Variants in ADGRG6 observed in about 807,000 individuals in gnomAD.
ADGRG6 encodes the protein adhesion G protein-coupled receptor G6, also known as G-protein coupled receptor 126.
ADGRG6 carries 84 observed loss-of-function variants against 142.4 expected under a neutral mutation model. That is an observed-to-expected ratio of 0.59 (90% CI 0.49 to 0.71). ADGRG6 has a LOEUF of 0.71. Ranked by LOEUF, ADGRG6 falls within the 30% of genes least tolerant of loss-of-function variation. The pLI is 0.00. For synonymous variants in ADGRG6, 521 were observed against 520.5 expected (o/e 1.00, Z -0.01); for missense variants, 1,367 against 1,466.6 (o/e 0.93, Z 1.11).
chr6:142,347,076 A>G, intron 2 of ADGRG6, among the ~76,000 whole-genome samples: 1 of 152,316 alleles, frequency 6.6e-6, no homozygotes, highest in South Asian at 2.1e-4. Context: ...CTAAATTAAT[A>G]TAACATATTT....
Position 142,380,720 on chromosome 6 carries a change from G to A in ADGRG6, c.1070-1231G>A, listed in dbSNP as rs186796671. On this transcript the variant is annotated intron_variant, in intron 4 of 24. Transcript: ENST00000367609. ...CTTCTTTGAAATGGATTTTCTGTTC[G>A]CTTTTCTTACCAAGCTGCTGTCACA... 3.9e-5 allele frequency among the ~76,000 whole-genome samples: 6 copies of A among 152,140 alleles called. No homozygotes were observed. In the South Asian group the frequency reaches 6.2e-4, roughly 16 times the overall value.
chr6:142,404,149 G>T, intron 14 of ADGRG6, 176 bp downstream of exon 14: 1 of 591,544 alleles, frequency 1.7e-6, no homozygotes, highest in Admixed American at 3.3e-5. Flanking sequence ...CTCAGAGTGG[G>T]TATGCTTTCA....
intron 2 of ADGRG6, among the ~76,000 whole-genome samples, chr6:142,316,801 T>A (rs1457907728): frequency 6.6e-6 from 1 of 150,910 alleles, no homozygotes; most frequent in Non-Finnish European, 1.5e-5. Context: ...TACCTTAGTG[T>A]TTTTTTTTAA....
chr6:142,412,837 G>T (rs1452558018), intron 18 of ADGRG6, among the ~76,000 whole-genome samples: 2 of 152,032 alleles, frequency 1.3e-5, no homozygotes, highest in Admixed American at 1.3e-4. Context: ...TCAACTATGT[G>T]CATGTTGTAA....
intron 2 of ADGRG6, among the ~76,000 whole-genome samples, chr6:142,311,758 G>A (rs1777780275): frequency 6.6e-6 from 1 of 151,772 alleles, no homozygotes; most frequent in East Asian, 1.9e-4. Context: ...GTCCATCCTG[G>A]CTCCTAGAGC....
chr6:142,418,932 A>G (rs1776514831), intron 21 of ADGRG6, among the ~76,000 whole-genome samples: 1 of 152,130 alleles, frequency 6.6e-6, no homozygotes, highest in Non-Finnish European at 1.5e-5. Flanking sequence ...TACAGTTTTA[A>G]AATTTCTTTA....
chr6:142,411,265 G>T, intron 17 of ADGRG6, 40 bp from the exon 18 acceptor site: 2 of 1,076,794 alleles, frequency 1.9e-6, no homozygotes, highest in South Asian at 2.5e-5. Context: ...AGAAGAAACT[G>T]ACCTGCTGTT....
In ADGRG6 at chr6:142,312,683, G is replaced by T. The variant is rs566405375; in HGVS notation, c.103+3039G>T. ...AAAAATCAAGAATGTGTACATTGGT[G>T]TATCACTCTCACATGTAGGCATATA... On this transcript the variant is annotated intron_variant, in intron 2 of 24. Transcript: ENST00000367609. Among the ~76,000 whole-genome samples, 15 of 152,152 alleles carry T rather than the reference G, an allele frequency of 9.9e-5. No homozygotes were observed. The South Asian group carries it at 2.5e-3, about 25-fold the overall frequency.
chr6:142,371,199 G>T (rs1421013433), intron 4 of ADGRG6, among the ~76,000 whole-genome samples: 1 of 152,072 alleles, frequency 6.6e-6, no homozygotes, highest in African/African-American at 2.4e-5. Context: ...GTCTCACTGT[G>T]TTGCCCAGGC....
chr6:142,421,173 C>A (rs1289667019), intron 22 of ADGRG6, among the ~76,000 whole-genome samples: 2 of 152,138 alleles, frequency 1.3e-5, no homozygotes, highest in Non-Finnish European at 2.9e-5. Flanking sequence ...TGCTCTTCCA[C>A]TAGCTTGTGA....
At chr6:142,366,440 A>G (rs1480383826) in intron 2 of ADGRG6, among the ~76,000 whole-genome samples, 2 of 152,128 alleles carry the variant, frequency 1.3e-5, no homozygotes, top group African/African-American at 2.4e-5. Context: ...CCTTCACATC[A>G]TTCAGTTGGA....
intron 21 of ADGRG6, among the ~76,000 whole-genome samples, chr6:142,417,865 G>A (rs9496375): frequency 0.018 from 2,799 of 152,180 alleles, 89 homozygotes; most frequent in African/African-American, 0.063. Context: ...GGCAGTTACC[G>A]ATCTCCTATT....
chr6:142,311,784 T>C (rs969493512), intron 2 of ADGRG6, among the ~76,000 whole-genome samples: 4 of 152,010 alleles, frequency 2.6e-5, no homozygotes, highest in African/African-American at 9.7e-5. Context: ...CTTGAGTTGC[T>C]GATCCTCATC....
intron 14 of ADGRG6, among the ~76,000 whole-genome samples, chr6:142,404,890 C>G (rs1263225055): frequency 6.6e-6 from 1 of 152,118 alleles, no homozygotes; most frequent in Non-Finnish European, 1.5e-5. Context: ...TAATGGAGAA[C>G]CTTTTCAACA....
intron 9 of ADGRG6, among the ~76,000 whole-genome samples, chr6:142,397,410 A>G (rs953322615): frequency 6.6e-6 from 1 of 152,194 alleles, no homozygotes; most frequent in Non-Finnish European, 1.5e-5. Flanking sequence ...TACAAGCAAT[A>G]GCCTATAGAA....
intron 2 of ADGRG6, among the ~76,000 whole-genome samples, chr6:142,334,061 A>G: frequency 6.6e-6 from 1 of 152,204 alleles, no homozygotes; most frequent in East Asian, 1.9e-4. Context: ...CGGTTTTCCA[A>G]CAAATGAATG....
chr6:142,441,395 A>C (rs1777749615), intron 24 of ADGRG6, among the ~76,000 whole-genome samples: 1 of 152,174 alleles, frequency 6.6e-6, no homozygotes, highest in Non-Finnish European at 1.5e-5. Context: ...ATCTGCTTGA[A>C]ATTTCAGCAT....
chr6:142,345,826 A>G (rs1040148925), intron 2 of ADGRG6, among the ~76,000 whole-genome samples: 1 of 152,190 alleles, frequency 6.6e-6, no homozygotes, highest in African/African-American at 2.4e-5. Context: ...ACCACTAGCT[A>G]GACTTTAATT....
intron 8 of ADGRG6, among the ~76,000 whole-genome samples, chr6:142,393,497 GTACCTTGTTTTCATAGTTCTA>G (rs1775015575): frequency 6.6e-6 from 1 of 152,000 alleles, no homozygotes. Flanking sequence ...ATCCTCCTGT[GTACCTTGTTTTCATAGTTCTA>G]TACCTGAACT....
Sources: allele counts gnomAD v4.1 joint callset (sites outside exome capture counted in the v4.1 genomes callset), GRCh38; gene constraint gnomAD v4.1.1; transcripts MANE v1.5; gene names NCBI Gene and HGNC (gene_info 2026-07-23, HGNC 2026-07-21).